The following CCDC171 variants were observed in gnomAD, a reference collection of about 807,000 sequenced individuals.
The protein encoded by CCDC171 is coiled-coil domain containing 171, also known as coiled-coil domain-containing protein 171.
In CCDC171, 177 loss-of-function variants were observed where a neutral mutation model predicts 168.2. The ratio of observed to expected loss-of-function variants is 1.05; its 90% CI spans 0.93 to 1.19. The LOEUF (loss-of-function observed/expected upper bound fraction) is 1.19, where lower values mean the gene tolerates loss of function less well. Among genes scored for constraint, CCDC171 ranks in the 50% most tolerant of loss-of-function variants. The pLI, the probability that CCDC171 is intolerant of heterozygous loss-of-function variation, is 0.00. For missense variants in CCDC171, 1,991 were observed against 1,539.0 expected (o/e 1.29, Z -4.91); for synonymous variants, 687 against 540.8 (o/e 1.27, Z -3.75).
chr9:15,567,525 G>T (rs1158807395), intron 2 of CCDC171, among the ~76,000 whole-genome samples: 1 of 152,142 alleles, frequency 6.6e-6, no homozygotes, highest in Non-Finnish European at 1.5e-5. Context: ...AGAATAATTT[G>T]GGGAGAATTG....
downstream of CCDC171, among the ~76,000 whole-genome samples, chr9:15,974,321 G>A (rs1173814871): frequency 1.3e-5 from 2 of 152,130 alleles, no homozygotes; most frequent in African/African-American, 4.8e-5. Flanking sequence ...ACTCTAGACT[G>A]CTTCTAAGCA....
chr9:15,705,462 T>C (rs1429419296), intron 11 of CCDC171, among the ~76,000 whole-genome samples: 7 of 152,216 alleles, frequency 4.6e-5, no homozygotes, highest in Non-Finnish European at 1.0e-4. Context: ...TCTAGCTTCT[T>C]GCCATTTCTT....
chr9:15,826,148 T>A (rs184752279), intron 21 of CCDC171, among the ~76,000 whole-genome samples: 1 of 152,252 alleles, frequency 6.6e-6, no homozygotes, highest in East Asian at 1.9e-4. Context: ...TTCTAAGAAT[T>A]GCTTTTAATT....
intron 1 of CCDC171, among the ~76,000 whole-genome samples, chr9:15,561,708 C>A (rs909314314): frequency 3.9e-5 from 6 of 152,128 alleles, no homozygotes; most frequent in African/African-American, 1.4e-4. Flanking sequence ...TCATATTCAG[C>A]CACTGACCGT....
chr9:15,842,238 T>A (rs1333847708), intron 21 of CCDC171, among the ~76,000 whole-genome samples: 1 of 152,038 alleles, frequency 6.6e-6, no homozygotes, highest in Non-Finnish European at 1.5e-5. Flanking sequence ...AAAGAAAATC[T>A]ATAAAAGCAA....
At chr9:15,623,475 G>GCGCGCACGCGCGCACACA in intron 7 of CCDC171, 62 bp downstream of exon 7, 7 of 315,438 alleles carry the variant, frequency 2.2e-5, no homozygotes. Context: ...GCGCGCGCGC[G>GCGCGCACGCGCGCACACA]CACACACACA....
At chr9:15,568,155 T>C (rs532222299) in intron 2 of CCDC171, among the ~76,000 whole-genome samples, 1 of 152,290 alleles carries the variant, frequency 6.6e-6, no homozygotes, top group Non-Finnish European at 1.5e-5. Flanking sequence ...AGAATTTTCT[T>C]TCAGAATCAT....
At chr9:16,068,187 T>C in the CCDC171 span, among the ~76,000 whole-genome samples, 1 of 149,132 alleles carries the variant, frequency 6.7e-6, no homozygotes, top group Non-Finnish European at 1.5e-5. Flanking sequence ...AGCCAAATCA[T>C]GAGTGAACTC....
chr9:16,040,345 A>C (rs991254044), upstream of CCDC171, among the ~76,000 whole-genome samples: 1 of 152,118 alleles, frequency 6.6e-6, no homozygotes, highest in Non-Finnish European at 1.5e-5. Flanking sequence ...GTCATCTAGA[A>C]GGTGGAGGCA....
intron 1 of CCDC171, among the ~76,000 whole-genome samples, chr9:16,045,204 A>C (rs1288516949): frequency 2.0e-5 from 3 of 152,172 alleles, no homozygotes; most frequent in African/African-American, 7.2e-5. Context: ...ATTTGAGTGC[A>C]GTGGCGCAAT....
At position 15,777,697 on chromosome 9, in the gene CCDC171, A is replaced by G. The variant is rs1443008820; in HGVS notation, c.2769A>G (p.Ile923Met). The G allele has an allele frequency of 6.2e-7, 1 of 1,613,776 alleles. No individual in the cohort carries two copies. The highest frequency in any genetic ancestry group is 8.5e-7 in the Non-Finnish European group (1 of 1,179,770). Residue 923 changes from isoleucine to methionine, a missense_variant, in exon 19 of 26, where the codon ATA becomes ATG. Ile to Met is a conservative substitution (Grantham distance 10, BLOSUM62 1). Transcript: ENST00000380701. The part of the protein sequence containing the change: ...MDKISLVMEC[I>M]PLHSSRSITY... ...AAATTAGTCTGGTAATGGAATGTAT[A>G]CCTCTGCACAGTAGCAGGAGTATTA...
intron 7 of CCDC171, among the ~76,000 whole-genome samples, chr9:15,634,016 G>A (rs879430930): frequency 6.6e-6 from 1 of 151,892 alleles, no homozygotes; most frequent in Non-Finnish European, 1.5e-5. Context: ...CACACTCTGG[G>A]GACTGTTGTG....
chr9:16,020,844 A>C lies in CCDC171; in HGVS notation n.574+50A>C, dbSNP rs1833141919. 4 of 152,714 alleles carry C rather than the reference A, an allele frequency of 2.6e-5. No individual in the cohort carries two copies. In the South Asian group the frequency reaches 8.3e-4, roughly 32 times the overall value. 9.5% of individuals were successfully genotyped at this position (152,714 alleles called of 1,614,324 possible). The stretch of plus-strand genomic sequence containing the variant: ...TGTTTATTTCTGAAAATTTCCATGT[A>C]ATATTTTTGGACTGTGGATGACCAC... On this transcript the variant is annotated intron_variant and non_coding_transcript_variant, in intron 4 of 9. Coordinates refer to the CCDC171 transcript ENST00000486641.
intron 11 of CCDC171, among the ~76,000 whole-genome samples, chr9:15,713,862 A>T (rs1194084617): frequency 6.6e-6 from 1 of 151,490 alleles, no homozygotes. Context: ...TAAGATTTCT[A>T]CATACTAGAT....
At chr9:15,915,315 G>A (rs78771766) in intron 24 of CCDC171, among the ~76,000 whole-genome samples, 2,751 of 150,948 alleles carry the variant, frequency 0.018, 100 homozygotes, top group African/African-American at 0.064. Context: ...TCAGTGTTTT[G>A]TAGTTCTACT....
intron 25 of CCDC171, among the ~76,000 whole-genome samples, chr9:15,931,787 T>G (rs1269203847): frequency 1.3e-5 from 2 of 151,816 alleles, no homozygotes; most frequent in South Asian, 2.1e-4. Context: ...TATTTTGAGT[T>G]GATTTTTGGA....
At chr9:16,103,840 G>C in the CCDC171 span, among the ~76,000 whole-genome samples, 1 of 152,216 alleles carries the variant, frequency 6.6e-6, no homozygotes, top group Non-Finnish European at 1.5e-5. Flanking sequence ...CTCCGGGGGG[G>C]CTGGGGGAGA....
At chr9:15,730,273 A>G (rs2054073315) in intron 16 of CCDC171, among the ~76,000 whole-genome samples, 1 of 151,860 alleles carries the variant, frequency 6.6e-6, no homozygotes, top group African/African-American at 2.4e-5. Context: ...CTGATATTAT[A>G]TAAGGTTATA....
In CCDC171 at chr9:15,563,992, A is replaced by T. The variant is rs2132555825; in HGVS notation, c.-97A>T. ...TATTTTAACAGACCTCAAATCATCT[A>T]ACGTGAAGCCACAGACATCTTGGGC... is the stretch of plus-strand genomic sequence containing the variant. On this transcript the variant is annotated 5_prime_UTR_variant, in exon 2 of 26. Coordinates refer to ENST00000380701, the MANE Select transcript of CCDC171 (RefSeq NM_173550.4). 2 of 881,778 alleles carry T rather than the reference A, an allele frequency of 2.3e-6. No homozygotes were observed. The highest frequency in any genetic ancestry group is 3.7e-6 in the Non-Finnish European group (2 of 535,988). 54.6% of individuals were successfully genotyped at this position (881,778 alleles called of 1,614,324 possible).
Sources: allele counts gnomAD v4.1 joint callset (sites outside exome capture counted in the v4.1 genomes callset), GRCh38; gene constraint gnomAD v4.1.1; transcripts MANE v1.5; gene names NCBI Gene and HGNC (gene_info 2026-07-23, HGNC 2026-07-21).